CELSR1: variants seen among roughly 807,000 people sequenced by gnomAD.
CELSR1 encodes the protein cadherin EGF LAG seven-pass G-type receptor 1, also known as adhesion G protein-coupled receptor C1.
CELSR1 carries 110 observed loss-of-function variants against 249.1 expected under a neutral mutation model. The observed-to-expected ratio is 0.44, with a 90% CI of 0.38 to 0.52. The LOEUF (loss-of-function observed/expected upper bound fraction) is 0.52, where lower values mean the gene tolerates loss of function less well. Ranked by LOEUF, CELSR1 falls within the 20% of genes least tolerant of loss-of-function variation. The pLI is 0.00. For synonymous variants in CELSR1, 2,113 were observed against 1,900.0 expected (o/e 1.11, Z -2.92); for missense variants, 4,109 against 4,296.4 (o/e 0.96, Z 1.22).
At chr22:46,478,143 C>T (rs1292896074) in intron 1 of CELSR1, among the ~76,000 whole-genome samples, 6 of 152,284 alleles carry the variant, frequency 3.9e-5, no homozygotes, top group African/African-American at 7.2e-5. Flanking sequence ...CGGGAAGCAC[C>T]GAGCTCAGGG....
intron 20 of CELSR1, among the ~76,000 whole-genome samples, chr22:46,382,907 C>T (rs1020234636): frequency 3.9e-5 from 6 of 152,246 alleles, no homozygotes; most frequent in African/African-American, 1.4e-4. Context: ...GTTAGTGTTT[C>T]GTGGGCTAGA....
At chr22:46,458,729 C>T (rs1457763268) in intron 2 of CELSR1, among the ~76,000 whole-genome samples, 1 of 152,154 alleles carries the variant, frequency 6.6e-6, no homozygotes, top group Non-Finnish European at 1.5e-5. Flanking sequence ...GAATCCTGGC[C>T]CCGCCCGCCT....
In CELSR1 at chr22:46,410,186, G is replaced by A. The variant is rs1029455733; in HGVS notation, c.4933+212C>T. Among the ~76,000 whole-genome samples, 5 of 152,234 alleles carry A rather than the reference G, an allele frequency of 3.3e-5. No homozygotes were observed. Among genetic ancestry groups the A allele is most frequent in the Non-Finnish European group, 7.3e-5 (5 of 68,048 alleles). ...AGCTGGCTGGGCCAGCAGTGCCAAG[G>A]CAACCCCAAACTGCAGATGCAGGAA... is the stretch of plus-strand genomic sequence containing the variant. On this transcript the variant is annotated intron_variant, in intron 7 of 34. Coordinates refer to ENST00000674500, the MANE Select transcript of CELSR1 (RefSeq NM_001378328.1). This position sits in a 1 kb window ranked among gnomAD's most constrained non-coding sequence, Gnocchi z 6.8.
At chr22:46,489,329 T>C (rs1222342790) in intron 1 of CELSR1, among the ~76,000 whole-genome samples, 3 of 151,776 alleles carry the variant, frequency 2.0e-5, no homozygotes, top group South Asian at 4.2e-4. Flanking sequence ...CACTTTTGAC[T>C]ATTAACCCAC....
At chr22:46,530,654 C>G (rs1434765130) in intron 1 of CELSR1, among the ~76,000 whole-genome samples, 1 of 152,230 alleles carries the variant, frequency 6.6e-6, no homozygotes, top group Non-Finnish European at 1.5e-5. Flanking sequence ...TCACTATCTT[C>G]TGACTTCAAA....
intron 2 of CELSR1, among the ~76,000 whole-genome samples, chr22:46,453,680 C>T (rs895762553): frequency 6.6e-6 from 1 of 152,150 alleles, no homozygotes; most frequent in African/African-American, 2.4e-5. Context: ...AGAACACTCG[C>T]CCCCGAGGTC....
chr22:46,537,329 G>A lies in CELSR1; in HGVS notation c.-159C>T, dbSNP rs1045751333. On this transcript the variant is annotated 5_prime_UTR_variant, in exon 1 of 35. Coordinates refer to ENST00000674500, the MANE Select transcript of CELSR1 (RefSeq NM_001378328.1). This position sits in a 1 kb window ranked among gnomAD's most constrained non-coding sequence, Gnocchi z 5.8. Reference sequence around the variant, plus strand: ...CGGGGGCCCTGGCGGGGACTGTGGGGACCACGCGCCCGGCCTCCCCCGCAG... The same window carrying A: ...CGGGGGCCCTGGCGGGGACTGTGGGAACCACGCGCCCGGCCTCCCCCGCAG... Among the ~76,000 whole-genome samples the A allele has an allele frequency of 2.0e-5, 3 of 148,978 alleles. No homozygotes were observed. The highest frequency in any genetic ancestry group is 7.3e-5 in the African/African-American group (3 of 41,254).
chr22:46,492,313 G>A (rs543140087), intron 1 of CELSR1, among the ~76,000 whole-genome samples: 55 of 152,284 alleles, frequency 3.6e-4, no homozygotes, highest in African/African-American at 1.1e-3. Context: ...AGCCCTCAAT[G>A]GTCTCAGTTA....
At chr22:46,479,470 C>T (rs530261449) in intron 1 of CELSR1, among the ~76,000 whole-genome samples, 31 of 152,226 alleles carry the variant, frequency 2.0e-4, no homozygotes, top group African/African-American at 7.5e-4. Context: ...AAAAAGCTAC[C>T]CACGGTGGCT....
At chr22:46,422,359 C>T (rs111744083) in intron 5 of CELSR1, among the ~76,000 whole-genome samples, 15,256 of 151,926 alleles carry the variant, frequency 0.1, 1,279 homozygotes, top group African/African-American at 0.23. Flanking sequence ...CTGCCTGCCT[C>T]GGCCTCCCAA....
chr22:46,508,733 A>C (rs1198068184), intron 1 of CELSR1, among the ~76,000 whole-genome samples: 5 of 152,170 alleles, frequency 3.3e-5, no homozygotes, highest in Non-Finnish European at 2.9e-5. Context: ...GATTTCTAAG[A>C]ATGAATATGT....
At chr22:46,478,545 ATT>A (rs34932520) in intron 1 of CELSR1, among the ~76,000 whole-genome samples, 4 of 143,372 alleles carry the variant, frequency 2.8e-5, no homozygotes, top group African/African-American at 2.6e-5. Context: ...AAAGATGAGA[ATT>A]TTTTTTTTTT....
chr22:46,487,606 C>T (rs181911153), intron 1 of CELSR1, among the ~76,000 whole-genome samples: 1 of 4,036 alleles, frequency 2.5e-4, no homozygotes, highest in African/African-American at 1.1e-3. Flanking sequence ...GTGGGGGGTG[C>T]GGGGGAGGGG....
At chr22:46,513,076 A>G (rs1487760055) in intron 1 of CELSR1, among the ~76,000 whole-genome samples, 1 of 152,182 alleles carries the variant, frequency 6.6e-6, no homozygotes, top group African/African-American at 2.4e-5. Flanking sequence ...TTAACCAGTG[A>G]GTGACTTCTG....
chr22:46,422,390 G>A (rs781101786), intron 5 of CELSR1, among the ~76,000 whole-genome samples: 1 of 151,820 alleles, frequency 6.6e-6, no homozygotes, highest in Non-Finnish European at 1.5e-5. Context: ...TTACAGGCGT[G>A]AGCCACCGTG....
At chr22:46,366,717 C>T (rs985041208) in intron 29 of CELSR1, among the ~76,000 whole-genome samples, 7 of 152,190 alleles carry the variant, frequency 4.6e-5, no homozygotes, top group African/African-American at 1.2e-4. Flanking sequence ...GCCCTCCCTA[C>T]GGCCACTGCT....
Position 46,436,139 on chromosome 22 carries a change from G to T in CELSR1, c.4522+35C>A, listed in dbSNP as rs562937693. 4.1e-5 allele frequency: 63 copies of T among 1,539,088 alleles called. No homozygotes were observed. The South Asian group carries it at 6.0e-4, about 15-fold the overall frequency. On this transcript the variant is annotated intron_variant, in intron 4 of 34. Transcript: ENST00000674500. This position sits in a 1 kb window ranked among gnomAD's most constrained non-coding sequence, Gnocchi z 5.9. ...TTAACCCACAAAGTATCTGTGAATTGCTCAGAGCTGCCCTTCCTGGGGAGA... is the reference window on the plus strand; with the variant it reads ...TTAACCCACAAAGTATCTGTGAATTTCTCAGAGCTGCCCTTCCTGGGGAGA...
Position 46,464,445 on chromosome 22 carries a change from A to T in CELSR1, c.3545-100T>A. 7.6e-7 allele frequency: 1 copy of T among 1,311,488 alleles called. No individual in the cohort carries two copies. Among genetic ancestry groups the T allele is most frequent in the Non-Finnish European group, 1.0e-6 (1 of 959,910 alleles). 81.2% of individuals were successfully genotyped at this position (1,311,488 alleles called of 1,614,324 possible). On this transcript the variant is annotated intron_variant, in intron 1 of 34. Coordinates refer to ENST00000674500, the MANE Select transcript of CELSR1 (RefSeq NM_001378328.1). The surrounding 1 kb of genome is among the most constrained non-coding windows in gnomAD (Gnocchi z 8.5). The stretch of plus-strand genomic sequence containing the variant: ...CAGCCTCAGGCATGCTTGGCAAAGG[A>T]GAAGAGAGCCTGGGCATCCCCACTC...
intron 1 of CELSR1, among the ~76,000 whole-genome samples, chr22:46,465,093 G>A (rs2080081847): frequency 6.6e-6 from 1 of 152,204 alleles, no homozygotes; most frequent in African/African-American, 2.4e-5. Flanking sequence ...AAAGTCGCAT[G>A]CATCATCGGT....
Sources: allele counts gnomAD v4.1 joint callset (sites outside exome capture counted in the v4.1 genomes callset), GRCh38; gene constraint gnomAD v4.1.1; non-coding constraint Gnocchi (gnomAD v3.1); transcripts MANE v1.5; gene names NCBI Gene and HGNC (gene_info 2026-07-23, HGNC 2026-07-21).